Variants in PIBF1 observed in about 807,000 individuals in gnomAD.
PIBF1 encodes progesterone-induced-blocking factor 1.
A neutral mutation model predicts 112.5 loss-of-function variants in PIBF1; 90 were observed. The observed-to-expected ratio is 0.80, with a 90% CI of 0.67 to 0.95. The LOEUF (loss-of-function observed/expected upper bound fraction) is 0.95. Among genes scored for constraint, PIBF1 ranks in the 40% least tolerant of loss-of-function variants. The pLI is 0.00. For synonymous variants in PIBF1, 301 were observed against 288.6 expected (o/e 1.04, Z -0.44); for missense variants, 915 against 852.3 (o/e 1.07, Z -0.92).
At chr13:72,919,423 AT>A (rs1030540535) in intron 13 of PIBF1, among the ~76,000 whole-genome samples, 1 of 152,182 alleles carries the variant, frequency 6.6e-6, no homozygotes, top group African/African-American at 2.4e-5. Flanking sequence ...AGAATTATGT[AT>A]TTTTAAAAAA....
chr13:73,005,556 T>C (rs1209223226), intron 17 of PIBF1, among the ~76,000 whole-genome samples: 1 of 151,946 alleles, frequency 6.6e-6, no homozygotes, highest in Non-Finnish European at 1.5e-5. Flanking sequence ...GTAAGTAGGT[T>C]ACAAAAATAA....
chr13:72,827,074 T>C lies in PIBF1; in HGVS notation c.871T>C (p.Ser291Pro), dbSNP rs2138155384. 1 of 1,604,392 alleles carries C rather than the reference T, an allele frequency of 6.2e-7. No homozygotes were observed. Among genetic ancestry groups the C allele is most frequent in the Non-Finnish European group, 8.5e-7 (1 of 1,174,754 alleles). Reference protein sequence around the residue: ...LRRKHEILEASHMIQTKERSE... With the variant: ...LRRKHEILEAPHMIQTKERSE... ...GAGAAAACATGAAATACTTGAAGCCTCTCACATGATTCAAACAAAAGAACG... is the reference window on the plus strand; with the variant it reads ...GAGAAAACATGAAATACTTGAAGCCCCTCACATGATTCAAACAAAAGAACG... The change falls in exon 7 of 18, where the codon TCT (serine) becomes CCT (proline). Residue 291 changes from serine (S) to proline (P), a missense_variant. Coordinates refer to ENST00000326291, the MANE Select transcript of PIBF1 (RefSeq NM_006346.4).
intron 9 of PIBF1, among the ~76,000 whole-genome samples, chr13:72,851,854 TCTC>T (rs1394415723): frequency 6.6e-6 from 1 of 152,060 alleles, no homozygotes; most frequent in Non-Finnish European, 1.5e-5. Context: ...CAACTGTGGG[TCTC>T]CTCTCAGCTG....
intron 17 of PIBF1, among the ~76,000 whole-genome samples, chr13:73,000,824 A>G (rs964979001): frequency 4.1e-4 from 62 of 152,338 alleles, no homozygotes; most frequent in African/African-American, 1.4e-3. Context: ...ATGAGTAACA[A>G]TAAGATTTCC....
intron 14 of PIBF1, among the ~76,000 whole-genome samples, chr13:72,937,556 A>G (rs1302275751): frequency 1.3e-5 from 2 of 152,198 alleles, no homozygotes; most frequent in Non-Finnish European, 2.9e-5. Flanking sequence ...ACAGTGGCTC[A>G]TGCCTGTAAT....
chr13:72,811,645 C>T (rs1301529799), intron 5 of PIBF1, among the ~76,000 whole-genome samples: 6 of 151,260 alleles, frequency 4.0e-5, no homozygotes, highest in East Asian at 3.9e-4. Flanking sequence ...CATTTCTTGC[C>T]GCCAATATAA....
At chr13:72,911,952 C>T (rs1353703163) in intron 12 of PIBF1, among the ~76,000 whole-genome samples, 1 of 148,416 alleles carries the variant, frequency 6.7e-6, no homozygotes, top group East Asian at 2.0e-4. Context: ...ATGGTGAGAC[C>T]CCATCTCTAG....
At chr13:72,924,580 A>G (rs575350782) in intron 13 of PIBF1, among the ~76,000 whole-genome samples, 82 of 152,226 alleles carry the variant, frequency 5.4e-4, no homozygotes, top group African/African-American at 1.9e-3. Context: ...AAATGAGCCA[A>G]TCACCCTAAT....
chr13:72,928,028 T>TATATATATATATACATATATATAC (rs2041579353), intron 13 of PIBF1, among the ~76,000 whole-genome samples: 6 of 58,840 alleles, frequency 1.0e-4, no homozygotes, highest in African/African-American at 3.0e-4. Context: ...TATATATACA[T>TATATATATATATACATATATATAC]ATATATATAT....
intron 11 of PIBF1, among the ~76,000 whole-genome samples, chr13:72,902,460 T>G (rs1328375381): frequency 6.6e-6 from 1 of 151,580 alleles, no homozygotes; most frequent in African/African-American, 2.4e-5. Context: ...GAGCCTATAG[T>G]CTCTGCATCA....
At chr13:72,824,573 G>A (rs1005397365) in intron 6 of PIBF1, among the ~76,000 whole-genome samples, 30 of 152,086 alleles carry the variant, frequency 2.0e-4, no homozygotes, top group Admixed American at 1.0e-3. Flanking sequence ...TTTTGGGAAA[G>A]AGGATCTTTA....
At chr13:72,901,602 T>C (rs1208643652) in intron 11 of PIBF1, among the ~76,000 whole-genome samples, 3 of 151,718 alleles carry the variant, frequency 2.0e-5, no homozygotes, top group Non-Finnish European at 4.4e-5. Context: ...GGAGAATCAC[T>C]GGAACCCGGG....
intron 2 of PIBF1, 63 bp from the exon 3 acceptor site, chr13:72,792,384 T>C (rs948783384): frequency 1.0e-6 from 1 of 1,000,686 alleles, no homozygotes; most frequent in Admixed American, 2.4e-5. Flanking sequence ...AATATGTTTA[T>C]TATGAAACTG....
intron 10 of PIBF1, among the ~76,000 whole-genome samples, chr13:72,889,359 A>G (rs1182032117): frequency 6.6e-6 from 1 of 152,054 alleles, no homozygotes; most frequent in Admixed American, 6.6e-5. Context: ...AAGTTTGTCA[A>G]CCTCTGCCCC....
chr13:72,857,979 A>G (rs188602780), intron 10 of PIBF1, among the ~76,000 whole-genome samples: 81 of 151,520 alleles, frequency 5.3e-4, no homozygotes, highest in Non-Finnish European at 1.0e-4. Context: ...TACAACTAAT[A>G]TGAAGAGTAA....
chr13:72,813,197 A>G lies in PIBF1; in HGVS notation c.673-8652A>G, dbSNP rs186499607. Among the ~76,000 whole-genome samples the G allele has an allele frequency of 2.9e-3, 443 of 152,332 alleles. 2 individuals are homozygous for G. Among genetic ancestry groups the G allele is most frequent in the Non-Finnish European group, 4.4e-3 (301 of 68,032 alleles). On this transcript the variant is annotated intron_variant, in intron 5 of 17. Transcript: ENST00000326291. The stretch of plus-strand genomic sequence containing the variant: ...TTTAAGGTTAAATTATATAGTCAAC[A>G]TTAACTACTGAATAGAATAAGCATT...
chr13:72,950,460 A>G (rs547801238), intron 14 of PIBF1, among the ~76,000 whole-genome samples: 2 of 152,348 alleles, frequency 1.3e-5, no homozygotes, highest in South Asian at 4.1e-4. Context: ...TGCAATAAAT[A>G]GCAAGAATTC....
chr13:72,910,897 C>G (rs991955985), intron 12 of PIBF1, among the ~76,000 whole-genome samples: 3 of 152,144 alleles, frequency 2.0e-5, no homozygotes, highest in African/African-American at 7.2e-5. Flanking sequence ...CCACTCCCCC[C>G]AAAATCACGA....
At chr13:72,815,553 G>A (rs1433734717) in intron 5 of PIBF1, among the ~76,000 whole-genome samples, 6 of 152,210 alleles carry the variant, frequency 3.9e-5, no homozygotes, top group Admixed American at 1.3e-4. Context: ...TTAATCAAAT[G>A]TAGTTCAGTT....
Sources: gnomAD v4.1 joint callset for allele counts (sites outside exome capture counted in the v4.1 genomes callset) on GRCh38, gnomAD v4.1.1 for gene constraint, MANE v1.5 for transcripts, NCBI Gene and HGNC (gene_info 2026-07-23, HGNC 2026-07-21) for gene names.